The following MYO3A variants were observed in gnomAD, a reference collection of about 807,000 sequenced individuals.
The protein encoded by MYO3A is myosin-IIIa.
Under a neutral mutation model 192.7 loss-of-function variants are expected in MYO3A, and 180 were observed. The ratio of observed to expected loss-of-function variants is 0.93; its 90% CI spans 0.83 to 1.06. The LOEUF is 1.06. Ranked by LOEUF, MYO3A falls within the 50% of genes least tolerant of loss-of-function variation. The pLI, the probability that MYO3A is intolerant of heterozygous loss-of-function variation, is 0.00. For missense variants in MYO3A, 1,896 were observed against 1,905.0 expected (o/e 1.00, Z 0.09); for synonymous variants, 628 against 645.3 (o/e 0.97, Z 0.41).
chr10:26,181,606 G>C (rs146112874), intron 31 of MYO3A, among the ~76,000 whole-genome samples: 1 of 151,726 alleles, frequency 6.6e-6, no homozygotes, highest in Non-Finnish European at 1.5e-5. Context: ...GACCACTCTA[G>C]GAGTAAAAAA....
intron 32 of MYO3A, among the ~76,000 whole-genome samples, chr10:26,199,544 TGAGTCACAGAGC>T (rs1328130971): frequency 2.6e-5 from 4 of 152,102 alleles, no homozygotes; most frequent in African/African-American, 7.2e-5. Flanking sequence ...CACTCCAGCC[TGAGTCACAGAGC>T]GAGACACTGT....
chr10:26,028,113 A>C (rs1842640218), intron 10 of MYO3A, among the ~76,000 whole-genome samples: 1 of 152,174 alleles, frequency 6.6e-6, no homozygotes, highest in Non-Finnish European at 1.5e-5. Flanking sequence ...AATGCCTACT[A>C]TGTGCCAGAT....
intron 20 of MYO3A, among the ~76,000 whole-genome samples, chr10:26,141,580 C>T (rs1308054730): frequency 6.6e-6 from 1 of 152,130 alleles, no homozygotes; most frequent in Admixed American, 6.6e-5. Context: ...ACCTTAACCT[C>T]GTGTACTTTC....
rs909941946 is a variant in MYO3A at position 26,136,900 on chromosome 10, C to T, written c.2263-6548C>T. On this transcript the variant is annotated intron_variant, in intron 20 of 34. Transcript: ENST00000642920. ...TGGGGCATGGTGGCATGTGCCTGTA[C>T]CCAGCTACTCAGGAGGCTGAGGCAT... 2.0e-5 allele frequency among the ~76,000 whole-genome samples: 3 copies of T among 152,100 alleles called. No homozygotes were observed. The East Asian group carries it at 5.8e-4, about 29-fold the overall frequency.
chr10:26,018,069 C>T lies in MYO3A; in HGVS notation c.585+1173C>T, dbSNP rs1427308335. Among the ~76,000 whole-genome samples, 4 of 150,950 alleles carry T rather than the reference C, an allele frequency of 2.6e-5. No individual in the cohort carries two copies. In the East Asian group the frequency reaches 7.7e-4, roughly 29 times the overall value. ...GGTTTTGTATGTTTATTTATTATAA[C>T]AAGCCATTATTCAATATTTAAATTT... On this transcript the variant is annotated intron_variant, in intron 7 of 34. Transcript: ENST00000642920.
At chr10:26,098,792 C>A (rs956502174) in intron 17 of MYO3A, among the ~76,000 whole-genome samples, 3 of 152,272 alleles carry the variant, frequency 2.0e-5, no homozygotes, top group Admixed American at 6.5e-5. Flanking sequence ...GGTACCAGTA[C>A]CATACTGTTT....
chr10:26,205,680 G>A (rs1307281027), intron 34 of MYO3A, among the ~76,000 whole-genome samples: 1 of 130,266 alleles, frequency 7.7e-6, no homozygotes, highest in Non-Finnish European at 1.5e-5. Flanking sequence ...GCAGTGGCAC[G>A]ATCTCGGCTC....
chr10:26,121,354 G>A (rs554184464), intron 18 of MYO3A, among the ~76,000 whole-genome samples: 1 of 152,102 alleles, frequency 6.6e-6, no homozygotes, highest in East Asian at 1.9e-4. Context: ...CAACAGCACA[G>A]CTTTTTTCTA....
At position 26,211,854 on chromosome 10, in the gene MYO3A, C is replaced by T. The variant is rs1232013593; in HGVS notation, c.4742C>T (p.Ala1581Val). 3.7e-6 allele frequency: 6 copies of T among 1,613,892 alleles called. No homozygotes were observed. The highest frequency in any genetic ancestry group is 4.2e-6 in the Non-Finnish European group (5 of 1,179,982). Residue 1581 changes from alanine (A) to valine (V), a missense_variant, in exon 35 of 35, where the codon GCG (alanine) becomes GTG (valine). Coordinates refer to ENST00000642920, the MANE Select transcript of MYO3A (RefSeq NM_017433.5). ...GGTTTCACTTGCAGGTGCTGGGCGG[C>T]GGAGAGCCCCGAGAAGGAGGAGGAG... is the stretch of plus-strand genomic sequence containing the variant. ...CIKANERCWA[A>V]ESPEKEEERE...
chr10:26,197,779 T>G (rs1843483374), intron 32 of MYO3A, among the ~76,000 whole-genome samples: 1 of 152,260 alleles, frequency 6.6e-6, no homozygotes. Flanking sequence ...TTGGCTAGGC[T>G]GGTCTCAAAC....
chr10:25,986,002 T>C (rs1839630031), intron 4 of MYO3A, among the ~76,000 whole-genome samples: 1 of 152,136 alleles, frequency 6.6e-6, no homozygotes, highest in African/African-American at 2.4e-5. Flanking sequence ...AAAACAGTAA[T>C]TCACCATGAT....
At chr10:25,961,545 A>G (rs1332409300) in intron 4 of MYO3A, among the ~76,000 whole-genome samples, 2 of 152,156 alleles carry the variant, frequency 1.3e-5, no homozygotes, top group Non-Finnish European at 2.9e-5. Context: ...GATATTGGAA[A>G]TATCTCTAAA....
At position 26,203,180 on chromosome 10, in the gene MYO3A, T is replaced by C; in HGVS notation, c.4730+73T>C. On this transcript the variant is annotated intron_variant, in intron 34 of 34. Transcript: ENST00000642920. ...AATTTCATTTCTTAAGATATTTCAC[T>C]TTATATATAGATGAATGACAAAGCA... The C allele has an allele frequency of 2.7e-6, 4 of 1,482,286 alleles. 1 individual carries two copies. In the South Asian group the frequency reaches 3.5e-5, roughly 13 times the overall value. The allele number at this position is 1,482,286 out of a possible 1,614,324, so 91.8% of individuals were successfully genotyped here.
At chr10:26,015,799 C>T (rs778348916) in intron 6 of MYO3A, among the ~76,000 whole-genome samples, 25 of 152,128 alleles carry the variant, frequency 1.6e-4, no homozygotes, top group Non-Finnish European at 3.5e-4. Context: ...ACTGAAACAC[C>T]CATTTGGTTG....
chr10:26,118,804 G>A (rs904039697), intron 17 of MYO3A, among the ~76,000 whole-genome samples: 3 of 151,890 alleles, frequency 2.0e-5, no homozygotes, highest in Non-Finnish European at 4.4e-5. Context: ...GCTAATTTTT[G>A]TATTTTTAGT....
intron 4 of MYO3A, among the ~76,000 whole-genome samples, chr10:25,976,854 A>G (rs953504974): frequency 6.6e-6 from 1 of 152,200 alleles, no homozygotes; most frequent in Non-Finnish European, 1.5e-5. Context: ...TAAATACGAC[A>G]TAATTCATTC....
chr10:26,205,483 G>GGA (rs1843877319), intron 34 of MYO3A, among the ~76,000 whole-genome samples: 8 of 144,828 alleles, frequency 5.5e-5, no homozygotes, highest in Admixed American at 4.1e-4. Context: ...TTTTTTTGGG[G>GGA]GGGGGCTTCC....
chr10:26,147,358 G>A, intron 22 of MYO3A, 72 bp from the exon 23 acceptor site: 1 of 1,435,194 alleles, frequency 7.0e-7, no homozygotes, highest in Non-Finnish European at 9.8e-7. Flanking sequence ...TGTTGTTGAT[G>A]ATGATGATGG....
intron 34 of MYO3A, 152 bp downstream of exon 34, chr10:26,203,259 T>C: frequency 1.1e-6 from 1 of 917,614 alleles, no homozygotes; most frequent in Non-Finnish European, 1.6e-6. Context: ...AGTAATGTCA[T>C]GTACAGTGTT....
Sources: allele counts gnomAD v4.1 joint callset (sites outside exome capture counted in the v4.1 genomes callset), GRCh38; gene constraint gnomAD v4.1.1; transcripts MANE v1.5; gene names NCBI Gene and HGNC (gene_info 2026-07-23, HGNC 2026-07-21).